TTBK2: variants seen among roughly 807,000 people sequenced by gnomAD.
TTBK2 encodes tau tubulin kinase 2.
A neutral mutation model predicts 110.8 loss-of-function variants in TTBK2; 28 were observed. The observed-to-expected ratio is 0.25, with a 90% confidence interval of 0.19 to 0.35. The LOEUF is 0.35. TTBK2 is among the 10% of genes least tolerant of loss of function. The pLI is 1.00. For synonymous variants in TTBK2, 532 were observed against 527.3 expected (o/e 1.01, Z -0.12); for missense variants, 1,369 against 1,500.3 (o/e 0.91, Z 1.45).
chr15:42,885,529 G>C (rs1006890655), intron 1 of TTBK2, among the ~76,000 whole-genome samples: 1 of 152,196 alleles, frequency 6.6e-6, no homozygotes, highest in African/African-American at 2.4e-5. Flanking sequence ...CATTCCCTTG[G>C]TGTTTAATCA....
At chr15:42,876,743 C>A (rs1894831931) in intron 2 of TTBK2, among the ~76,000 whole-genome samples, 1 of 151,954 alleles carries the variant, frequency 6.6e-6, no homozygotes, top group South Asian at 2.1e-4. Flanking sequence ...ATATCCCAAA[C>A]AAAAATAGTT....
chr15:42,843,690 A>G (rs1013445727), intron 3 of TTBK2, among the ~76,000 whole-genome samples: 5 of 137,632 alleles, frequency 3.6e-5, no homozygotes, highest in African/African-American at 5.5e-5. Flanking sequence ...ACCCGGGAGG[A>G]GGAGGCTGCA....
intron 13 of TTBK2, among the ~76,000 whole-genome samples, chr15:42,769,615 G>A (rs1258946221): frequency 8.0e-5 from 12 of 149,478 alleles, no homozygotes; most frequent in South Asian, 4.2e-4. Context: ...AACAACAGGT[G>A]CTGGAGAGGA....
At chr15:42,847,269 TTTAA>T (rs1202237329) in intron 3 of TTBK2, among the ~76,000 whole-genome samples, 4 of 152,218 alleles carry the variant, frequency 2.6e-5, no homozygotes, top group Admixed American at 1.3e-4. Flanking sequence ...ATTAAATATT[TTTAA>T]TTGTTTGTTT....
At chr15:42,779,408 C>CAA (rs35452096) in intron 11 of TTBK2, among the ~76,000 whole-genome samples, 5,626 of 102,080 alleles carry the variant, frequency 0.055, 311 homozygotes, top group African/African-American at 0.15. Flanking sequence ...AACCCTGTCA[C>CAA]AAAAAAAAAA....
At chr15:42,795,275 G>T (rs1890887828) in intron 9 of TTBK2, among the ~76,000 whole-genome samples, 1 of 149,470 alleles carries the variant, frequency 6.7e-6, no homozygotes. Flanking sequence ...TTTTTTTGCA[G>T]GTTTAAAAAA....
Position 42,752,812 on chromosome 15 carries a change from C to T in TTBK2, c.2434G>A (p.Val812Met), listed in dbSNP as rs781138681. 3.1e-6 allele frequency: 5 copies of T among 1,614,194 alleles called. No homozygotes were observed. The highest frequency in any genetic ancestry group is 4.2e-6 in the Non-Finnish European group (5 of 1,180,022). ...ISSLPGDLVIVEKDHSATTEP... is the reference protein window; with the variant it reads ...ISSLPGDLVIMEKDHSATTEP... ...GTAGTAGCTGAGTGATCCTTTTCCA[C>T]AATTACCAAATCTCCTGGGAGAGAG... Residue 812 changes from valine to methionine, a missense_variant, in exon 14 of 15, where the codon GTG becomes ATG. Around this residue, in one of 4 missense-constraint regions of TTBK2, gnomAD observed 1,097 missense variants for 1,114.7 expected, o/e 0.98. Transcript: ENST00000267890.
rs1165366384 is a variant in TTBK2 at position 42,829,949 on chromosome 15, CT to C, written c.420del (p.Asp141ThrfsTer89). On this transcript the variant is annotated frameshift_variant, in exon 5 of 15. Transcript: ENST00000267890. LOFTEE classifies it high-confidence loss of function. ...GAAAAGGTCCCTACCGGTTTGATGT[CT>C]CGATGCAAGAATCCCACAGAATGAA... ...ESIHSVGFLH[R>X]DIKPSNFAMG... 1 of 1,614,096 alleles carries C rather than the reference CT, an allele frequency of 6.2e-7. No homozygotes were observed. Among genetic ancestry groups the C allele is most frequent in the Non-Finnish European group, 8.5e-7 (1 of 1,180,004 alleles).
intron 4 of TTBK2, among the ~76,000 whole-genome samples, chr15:42,838,568 C>T (rs375911761): frequency 3.9e-5 from 6 of 152,100 alleles, no homozygotes; most frequent in East Asian, 3.8e-4. Context: ...GTAATCCTAA[C>T]GCTTTGGGAA....
chr15:42,852,056 C>T lies in TTBK2; in HGVS notation c.218-11623G>A, dbSNP rs535882704. The stretch of plus-strand genomic sequence containing the variant: ...AACAAGTAGTATAGATGTCCCGACA[C>T]ATAAGATATTACCAACTTTTTTTTT... On this transcript the variant is annotated intron_variant, in intron 3 of 14. Transcript: ENST00000267890. Among the ~76,000 whole-genome samples, 8 of 151,536 alleles carry T rather than the reference C, an allele frequency of 5.3e-5. 2 individuals are homozygous for T. The highest frequency in any genetic ancestry group is 1.2e-4 in the African/African-American group (5 of 41,380).
In TTBK2 at chr15:42,830,061, A is replaced by G; in HGVS notation, c.309T>C (p.Asp103=). The change falls in exon 5 of 15, where the codon GAT becomes GAC. Residue 103 remains aspartate (D), a synonymous_variant. Transcript: ENST00000267890. The part of the protein sequence containing the change: ...VMQLQGRNLA[D]LRRSQSRGTF... Reference sequence around the variant, plus strand: ...TGCCTCGGGACTGGCTACGGCGAAGATCTGCCAGATTCCGACCCTATGGAA... The same window carrying G: ...TGCCTCGGGACTGGCTACGGCGAAGGTCTGCCAGATTCCGACCCTATGGAA... 6.2e-7 allele frequency: 1 copy of G among 1,614,196 alleles called. No homozygotes were observed. The highest frequency in any genetic ancestry group is 8.5e-7 in the Non-Finnish European group (1 of 1,180,028).
intron 1 of TTBK2, among the ~76,000 whole-genome samples, chr15:42,905,887 T>C (rs1051988589): frequency 1.3e-5 from 2 of 152,158 alleles, no homozygotes; most frequent in African/African-American, 4.8e-5. Context: ...CCTAGTATAC[T>C]GACTGTGCTC....
chr15:42,842,326 G>A (rs923377087), intron 3 of TTBK2, among the ~76,000 whole-genome samples: 2 of 152,094 alleles, frequency 1.3e-5, no homozygotes, highest in African/African-American at 4.8e-5. Flanking sequence ...ACTTTATGAG[G>A]GCAGAAGTGG....
Position 42,775,467 on chromosome 15 carries a change from C to T in TTBK2, c.1666G>A (p.Asp556Asn). 2 of 1,614,206 alleles carry T rather than the reference C, an allele frequency of 1.2e-6. No individual in the cohort carries two copies. ...AAATCCTGAAGGTCCTGCTCCTTGT[C>T]CACAATCACCCATTCTTTGGAATCA... Reference protein sequence around the residue: ...EIDSKEWVIVDKEQDLQDFRT... With the variant: ...EIDSKEWVIVNKEQDLQDFRT... The change falls in exon 13 of 15, where the codon GAC (aspartate) becomes AAC (asparagine). Residue 556 changes from aspartate (D) to asparagine (N), a missense_variant. By Grantham distance (23) the Asp-to-Asn change is conservative. This residue lies in a region of TTBK2 where 1,097 missense variants were observed against 1,114.7 expected (regional missense o/e 0.98). Coordinates refer to ENST00000267890, the MANE Select transcript of TTBK2 (RefSeq NM_173500.4).
chr15:42,798,803 C>G (rs1891053313), intron 9 of TTBK2, among the ~76,000 whole-genome samples: 1 of 152,078 alleles, frequency 6.6e-6, no homozygotes, highest in Non-Finnish European at 1.5e-5. Flanking sequence ...AGTGAATCTT[C>G]TGTAAATGGA....
chr15:42,773,036 C>A (rs1019617717), intron 13 of TTBK2, among the ~76,000 whole-genome samples: 2 of 152,022 alleles, frequency 1.3e-5, no homozygotes, highest in African/African-American at 2.4e-5. Context: ...AACTTGCTAT[C>A]CCTGAAATAT....
intron 1 of TTBK2, chr15:42,919,762 T>C (rs1376898746): frequency 1.6e-5 from 16 of 984,396 alleles, no homozygotes; most frequent in Non-Finnish European, 1.9e-5. Context: ...TTTTTACCTC[T>C]ACTGTAGCCT....
chr15:42,871,615 C>A (rs1441903079), intron 3 of TTBK2: 4 of 984,444 alleles, frequency 4.1e-6, no homozygotes, highest in Non-Finnish European at 4.8e-6. Context: ...AGCCTCTACA[C>A]CACTGAGTTG....
At chr15:42,770,992 GAC>G (rs1331596712) in intron 13 of TTBK2, among the ~76,000 whole-genome samples, 1 of 133,120 alleles carries the variant, frequency 7.5e-6, no homozygotes, top group African/African-American at 3.1e-5. Context: ...TTTTTTCTTT[GAC>G]ACAGAGTCTT....
Sources: allele counts gnomAD v4.1 joint callset (sites outside exome capture counted in the v4.1 genomes callset), GRCh38; gene constraint gnomAD v4.1.1; regional missense constraint gnomAD v4.1.1; transcripts MANE v1.5; gene names NCBI Gene and HGNC (gene_info 2026-07-23, HGNC 2026-07-21).